The following TOM1L2 variants were observed in gnomAD, a reference collection of about 807,000 sequenced individuals.
TOM1L2 encodes the protein TOM1-like protein 2.
A neutral mutation model predicts 67.9 loss-of-function variants in TOM1L2; 31 were observed. The ratio of observed to expected loss-of-function variants is 0.46; its 90% CI spans 0.34 to 0.62. TOM1L2 has a LOEUF of 0.62. Among genes scored for constraint, TOM1L2 ranks in the 20% least tolerant of loss-of-function variants. The probability of loss-of-function intolerance (pLI) is 0.01; values close to 1 mark genes in which losing one functional copy is unlikely to be tolerated. For synonymous variants in TOM1L2, 256 were observed against 254.0 expected (o/e 1.01, Z -0.07); for missense variants, 606 against 663.5 (o/e 0.91, Z 0.95).
At chr17:17,970,026 C>T (rs1389001371) in intron 1 of TOM1L2, among the ~76,000 whole-genome samples, 6 of 151,932 alleles carry the variant, frequency 3.9e-5, no homozygotes, top group Non-Finnish European at 8.8e-5. Flanking sequence ...CCCTATATCT[C>T]TTATATTTGG....
intron 1 of TOM1L2, among the ~76,000 whole-genome samples, chr17:17,950,303 T>G (rs2041144240): frequency 6.6e-6 from 1 of 152,150 alleles, no homozygotes; most frequent in Non-Finnish European, 1.5e-5. Flanking sequence ...ATTACTGGAA[T>G]GCACCACTAT....
At chr17:17,949,259 G>T (rs79315516) in intron 1 of TOM1L2, among the ~76,000 whole-genome samples, 1 of 152,128 alleles carries the variant, frequency 6.6e-6, no homozygotes, top group African/African-American at 2.4e-5. Context: ...TGTGGAACTC[G>T]TGCCAGGAAA....
At chr17:17,923,256 C>T (rs775878441) in intron 1 of TOM1L2, among the ~76,000 whole-genome samples, 2 of 152,116 alleles carry the variant, frequency 1.3e-5, no homozygotes, top group South Asian at 2.1e-4. Flanking sequence ...AAAAAATTAG[C>T]CAGGCGTGGT....
intron 1 of TOM1L2, among the ~76,000 whole-genome samples, chr17:17,959,399 A>G (rs189867274): frequency 2.0e-5 from 3 of 152,240 alleles, no homozygotes; most frequent in East Asian, 1.9e-4. Context: ...CAGAAATGTC[A>G]TACATCACAG....
intron 4 of TOM1L2, among the ~76,000 whole-genome samples, chr17:17,885,493 CAT>C (rs1219235629): frequency 2.6e-5 from 4 of 152,220 alleles, no homozygotes; most frequent in Non-Finnish European, 5.9e-5. Flanking sequence ...AATGTCAGCA[CAT>C]GTGTGCCCAA....
At chr17:17,919,878 G>T (rs2144592044) in intron 1 of TOM1L2, among the ~76,000 whole-genome samples, 1 of 152,282 alleles carries the variant, frequency 6.6e-6, no homozygotes, top group East Asian at 1.9e-4. Context: ...CCGCCAGGAA[G>T]GTTCTCTCTC....
At chr17:17,878,586 C>T (rs1466759058) in intron 7 of TOM1L2, among the ~76,000 whole-genome samples, 1 of 152,312 alleles carries the variant, frequency 6.6e-6, no homozygotes, top group East Asian at 1.9e-4. Flanking sequence ...AGGCGGCAAG[C>T]ATGTGCCAGC....
At chr17:17,896,051 A>C (rs1231292773) in intron 3 of TOM1L2, among the ~76,000 whole-genome samples, 1 of 152,102 alleles carries the variant, frequency 6.6e-6, no homozygotes, top group Non-Finnish European at 1.5e-5. Flanking sequence ...CACAGGTTTT[A>C]CTAAGCCAAG....
intron 1 of TOM1L2, among the ~76,000 whole-genome samples, chr17:17,942,847 G>A (rs1309532287): frequency 6.6e-6 from 1 of 152,172 alleles, no homozygotes; most frequent in Non-Finnish European, 1.5e-5. Flanking sequence ...GCCCTGGGAT[G>A]GGCCATCACC....
chr17:17,919,125 A>G (rs2039748408), intron 1 of TOM1L2, among the ~76,000 whole-genome samples: 1 of 152,342 alleles, frequency 6.6e-6, no homozygotes, highest in African/African-American at 2.4e-5. Flanking sequence ...CTGTGTGACT[A>G]CAGGCAATAA....
At chr17:17,929,183 C>T (rs1381212319) in intron 1 of TOM1L2, among the ~76,000 whole-genome samples, 4 of 152,198 alleles carry the variant, frequency 2.6e-5, no homozygotes, top group African/African-American at 7.2e-5. Flanking sequence ...TGCTCAGCAG[C>T]GTCAGGCGGG....
At chr17:17,927,654 T>C (rs569162167) in intron 1 of TOM1L2, among the ~76,000 whole-genome samples, 1 of 151,900 alleles carries the variant, frequency 6.6e-6, no homozygotes, top group East Asian at 1.9e-4. Flanking sequence ...TAATAAGCTG[T>C]TGGCTATACT....
chr17:17,870,726 C>T (rs2037106500), intron 7 of TOM1L2, among the ~76,000 whole-genome samples: 1 of 152,336 alleles, frequency 6.6e-6, no homozygotes, highest in East Asian at 1.9e-4. Flanking sequence ...AGCTTGGCTA[C>T]AGGGTCTTCC....
chr17:17,898,847 A>G (rs551189977), intron 2 of TOM1L2, among the ~76,000 whole-genome samples, 173 bp from the exon 3 acceptor site: 1 of 152,374 alleles, frequency 6.6e-6, no homozygotes, highest in South Asian at 2.1e-4. Flanking sequence ...GTTAAATTAA[A>G]TCATTGACAC....
chr17:17,940,192 CAAAAAAAAAAAAAAAA>C (rs34433429), intron 1 of TOM1L2, among the ~76,000 whole-genome samples: 1 of 32,604 alleles, frequency 3.1e-5, no homozygotes, highest in Non-Finnish European at 7.0e-5. Flanking sequence ...GACTCTATCT[CAAAAAAAAAAAAAAAA>C]AAAAAAAAAA....
intron 1 of TOM1L2, 54 bp downstream of exon 1, chr17:17,972,208 C>A (rs1157416643): frequency 6.5e-7 from 1 of 1,546,914 alleles, no homozygotes; most frequent in Non-Finnish European, 8.7e-7. Context: ...CGGTCCTCAC[C>A]AGCCGGATCA....
At chr17:17,862,032 G>A (rs952624888) in intron 11 of TOM1L2, 1 of 155,886 alleles carries the variant, frequency 6.4e-6, no homozygotes, top group Non-Finnish European at 1.4e-5. Context: ...AGCTATATCT[G>A]TTTTACAATC....
Position 17,886,519 on chromosome 17 carries a change from G to A in TOM1L2, c.367-1751C>T, listed in dbSNP as rs904597258. 3.3e-5 allele frequency among the ~76,000 whole-genome samples: 5 copies of A among 152,232 alleles called. No homozygotes were observed. The East Asian group carries it at 7.7e-4, about 23-fold the overall frequency. ...CTGGTTCAAAATCCAGCTAAGTCCTGTGACGCCAACCTCAAAATGCCCTAG... is the reference window on the plus strand; with the variant it reads ...CTGGTTCAAAATCCAGCTAAGTCCTATGACGCCAACCTCAAAATGCCCTAG... On this transcript the variant is annotated intron_variant, in intron 4 of 14. Transcript: ENST00000379504.
intron 1 of TOM1L2, among the ~76,000 whole-genome samples, chr17:17,954,263 A>C (rs2041333834): frequency 6.6e-6 from 1 of 152,048 alleles, no homozygotes; most frequent in Non-Finnish European, 1.5e-5. Flanking sequence ...GACGGGAAGA[A>C]GCCCAGTCAG....
Sources: allele counts gnomAD v4.1 joint callset (sites outside exome capture counted in the v4.1 genomes callset), GRCh38; gene constraint gnomAD v4.1.1; transcripts MANE v1.5; gene names NCBI Gene and HGNC (gene_info 2026-07-23, HGNC 2026-07-21).